Variants in DHRSX observed in about 807,000 individuals in gnomAD.
DHRSX encodes polyprenol dehydrogenase.
Under a neutral mutation model 34.0 loss-of-function variants are expected in DHRSX, and 31 were observed. That is an observed-to-expected ratio of 0.91 (90% CI 0.69 to 1.23). The LOEUF is 1.23. Ranked by LOEUF, DHRSX falls within the 50% of genes most tolerant of loss-of-function variation. DHRSX has a pLI of 0.00. For synonymous variants in DHRSX, 201 were observed against 183.8 expected (o/e 1.09, Z -0.76); for missense variants, 414 against 428.1 (o/e 0.97, Z 0.29).
chrX:2,414,950 C>A (rs1363795714), intron 2 of DHRSX, among the ~76,000 whole-genome samples: 1 of 151,818 alleles, frequency 6.6e-6, no homozygotes, highest in Non-Finnish European at 1.5e-5. Flanking sequence ...TAACCTAACC[C>A]AACTAGACCT....
At chrX:2,356,003 T>C (rs2042846475) in intron 3 of DHRSX, among the ~76,000 whole-genome samples, 1 of 151,342 alleles carries the variant, frequency 6.6e-6, no homozygotes, top group Non-Finnish European at 1.5e-5. Flanking sequence ...GAGGTGGAGT[T>C]TGCAGTGAGC....
chrX:2,366,351 G>T (rs1312215641), intron 3 of DHRSX, among the ~76,000 whole-genome samples: 2 of 151,436 alleles, frequency 1.3e-5, no homozygotes, highest in Admixed American at 6.6e-5. Flanking sequence ...TGACACAGAA[G>T]AATTACTTGA....
At chrX:2,273,659 C>T in intron 4 of DHRSX, among the ~76,000 whole-genome samples, 1 of 152,222 alleles carries the variant, frequency 6.6e-6, no homozygotes. Context: ...TCAAGAGTTT[C>T]TGCTCTTCCC....
At chrX:2,389,871 C>G (rs773121263) in intron 3 of DHRSX, among the ~76,000 whole-genome samples, 1 of 152,288 alleles carries the variant, frequency 6.6e-6, no homozygotes, top group East Asian at 1.9e-4. Context: ...ACCTCCGCCT[C>G]CGGGGATCAA....
chrX:2,381,778 G>A (rs180943995), intron 3 of DHRSX, among the ~76,000 whole-genome samples: 66 of 117,516 alleles, frequency 5.6e-4, no homozygotes, highest in African/African-American at 1.7e-3. Context: ...TAGCATCCCC[G>A]TTCTCAGGAA....
intron 1 of DHRSX, among the ~76,000 whole-genome samples, chrX:2,473,306 G>C (rs1372960618): frequency 6.6e-6 from 1 of 152,126 alleles, no homozygotes. Context: ...GTTTATCTGC[G>C]AGTTTGAAAC....
At chrX:2,358,560 A>G (rs2042887012) in intron 3 of DHRSX, among the ~76,000 whole-genome samples, 1 of 152,130 alleles carries the variant, frequency 6.6e-6, no homozygotes, top group Admixed American at 6.5e-5. Flanking sequence ...TTAGCCAGGC[A>G]TGGTGGCGGG....
chrX:2,464,074 C>T (rs2044443031), intron 1 of DHRSX, among the ~76,000 whole-genome samples: 1 of 151,528 alleles, frequency 6.6e-6, no homozygotes, highest in Non-Finnish European at 1.5e-5. Flanking sequence ...AAGGGACCAC[C>T]GCCATGTACA....
chrX:2,475,352 G>A (rs1383868038), intron 1 of DHRSX, among the ~76,000 whole-genome samples: 1 of 151,486 alleles, frequency 6.6e-6, no homozygotes, highest in Non-Finnish European at 1.5e-5. Flanking sequence ...GCGGCTAAGG[G>A]AATGCCGACA....
intron 6 of DHRSX, among the ~76,000 whole-genome samples, chrX:2,226,597 A>G (rs747332879): frequency 8.9e-4 from 136 of 152,174 alleles, no homozygotes; most frequent in African/African-American, 3.2e-3. Flanking sequence ...TCAGGAGATC[A>G]AGACCATCCT....
Position 2,219,838 on chromosome X carries a change from T to C in DHRSX, c.*1203A>G, listed in dbSNP as rs182743490. ...GCATTGCAAATGACTGATTTCTCTA[T>C]GTTGAAATTTGAAAACCCAACATCT... On this transcript the variant is annotated 3_prime_UTR_variant, in exon 7 of 7. Transcript: ENST00000334651. The C allele has an allele frequency of 3.9e-5, 6 of 152,206 alleles. No homozygotes were observed. Among genetic ancestry groups the C allele is most frequent in the Non-Finnish European group, 7.3e-5 (5 of 68,054 alleles). 9.4% of individuals were successfully genotyped at this position (152,206 alleles called of 1,614,324 possible).
chrX:2,457,667 CCCCT>C (rs2044323266), intron 1 of DHRSX, among the ~76,000 whole-genome samples: 1 of 149,746 alleles, frequency 6.7e-6, no homozygotes, highest in Non-Finnish European at 1.5e-5. Context: ...GAAGATGGTT[CCCCT>C]AAGCATGTGG....
chrX:2,349,127 G>A (rs1317183887), intron 3 of DHRSX, among the ~76,000 whole-genome samples: 3 of 152,048 alleles, frequency 2.0e-5, no homozygotes, highest in East Asian at 3.9e-4. Flanking sequence ...AGAACTACTC[G>A]ATGATCCAGC....
chrX:2,353,208 C>T (rs921832610), intron 3 of DHRSX, among the ~76,000 whole-genome samples: 1 of 152,130 alleles, frequency 6.6e-6, no homozygotes, highest in African/African-American at 2.4e-5. Context: ...TGCACTATTA[C>T]ACTTCAGCCT....
At chrX:2,238,360 A>G (rs781709679) in intron 6 of DHRSX, among the ~76,000 whole-genome samples, 6 of 152,072 alleles carry the variant, frequency 3.9e-5, no homozygotes, top group Admixed American at 3.9e-4. Context: ...CCATCTCAAA[A>G]ACAAACCAAT....
intron 3 of DHRSX, among the ~76,000 whole-genome samples, chrX:2,345,207 C>G (rs1423249037): frequency 2.6e-5 from 4 of 151,958 alleles, no homozygotes; most frequent in Non-Finnish European, 4.4e-5. Context: ...TTGGCTGAGC[C>G]ATGGTGCCCA....
chrX:2,500,654 G>GCCCCCCCCCCCCCCCCCCCCCCC (rs546772121), intron 1 of DHRSX, 163 bp downstream of exon 1: 1 of 126,740 alleles, frequency 7.9e-6, no homozygotes, highest in Admixed American at 7.7e-5. Flanking sequence ...CGCGCACGCC[G>GCCCCCCCCCCCCCCCCCCCCCCC]CCCCCCCCCC....
chrX:2,351,818 C>G (rs1425717117), intron 3 of DHRSX, among the ~76,000 whole-genome samples: 1 of 152,186 alleles, frequency 6.6e-6, no homozygotes, highest in Non-Finnish European at 1.5e-5. Flanking sequence ...CTCCTCGATT[C>G]AAGCGATTCT....
intron 1 of DHRSX, among the ~76,000 whole-genome samples, chrX:2,468,945 G>C (rs951260945): frequency 6.6e-6 from 1 of 151,636 alleles, no homozygotes; most frequent in African/African-American, 2.4e-5. Flanking sequence ...CCCTAAGTAT[G>C]TGGCTCAGGG....
Sources: allele counts gnomAD v4.1 joint callset (sites outside exome capture counted in the v4.1 genomes callset), GRCh38; gene constraint gnomAD v4.1.1; transcripts MANE v1.5; gene names NCBI Gene and HGNC (gene_info 2026-07-23, HGNC 2026-07-21).